PIK3R5: variants seen among roughly 807,000 people sequenced by gnomAD.
The protein encoded by PIK3R5 is phosphoinositide-3-kinase regulatory subunit 5.
PIK3R5 carries 32 observed loss-of-function variants against 94.9 expected under a neutral mutation model. That is an observed-to-expected ratio of 0.34 (90% CI 0.25 to 0.45). The LOEUF (loss-of-function observed/expected upper bound fraction) is 0.45. PIK3R5 is among the 20% of genes least tolerant of loss of function. The pLI, the probability that PIK3R5 is intolerant of heterozygous loss-of-function variation, is 1.00. For missense variants in PIK3R5, 853 were observed against 1,144.6 expected, an observed-to-expected ratio of 0.75 and a Z score of 3.68; for synonymous variants, 443 against 479.4, an observed-to-expected ratio of 0.92 and a Z score of 0.99.
intron 1 of PIK3R5, among the ~76,000 whole-genome samples, chr17:8,913,831 G>T (rs1158430403): frequency 3.3e-5 from 5 of 152,192 alleles, no homozygotes; most frequent in African/African-American, 1.2e-4. Flanking sequence ...TTTTACAGTT[G>T]CCTTTGGATC....
At chr17:8,948,875 A>C (rs2091325239) in intron 1 of PIK3R5, among the ~76,000 whole-genome samples, 1 of 152,168 alleles carries the variant, frequency 6.6e-6, no homozygotes, top group African/African-American at 2.4e-5. Context: ...AATAACTCTC[A>C]AACTAGAAAC....
chr17:8,933,619 A>G (rs887497342), intron 1 of PIK3R5, among the ~76,000 whole-genome samples: 4 of 152,308 alleles, frequency 2.6e-5, no homozygotes, highest in African/African-American at 9.6e-5. Flanking sequence ...GTACAGATCA[A>G]TATCTCTCAT....
rs573373720 is a variant in PIK3R5, at chr17:8,881,329, G to A, written c.2382+301C>T. 2.3e-3 allele frequency among the ~76,000 whole-genome samples: 347 copies of A among 152,146 alleles called. 1 individual carries two copies. Among genetic ancestry groups the A allele is most frequent in the Non-Finnish European group, 3.4e-3 (232 of 67,978 alleles). On this transcript the variant is annotated intron_variant, in intron 17 of 18. Coordinates refer to ENST00000447110, the MANE Select transcript of PIK3R5 (RefSeq NM_001142633.3). This position sits in a 1 kb window ranked among gnomAD's most constrained non-coding sequence, Gnocchi z 4.8. ...GCTTTCTTTGGTCTCAGAGTCTTAG[G>A]ACTCTCCTGGCACCCACCCCACAAC...
At chr17:8,895,044 T>C (rs529519786) in intron 5 of PIK3R5, among the ~76,000 whole-genome samples, 15 of 152,214 alleles carry the variant, frequency 9.9e-5, no homozygotes, top group Non-Finnish European at 2.2e-4. Flanking sequence ...TCATCGCATA[T>C]TTAGAAGTTA....
chr17:8,922,425 G>T (rs138097602), intron 1 of PIK3R5, among the ~76,000 whole-genome samples: 21 of 152,152 alleles, frequency 1.4e-4, no homozygotes, highest in Non-Finnish European at 2.5e-4. Context: ...CTCAGGGAGG[G>T]TAAGCCATTT....
At position 8,886,302 on chromosome 17, in the gene PIK3R5, C is replaced by T; in HGVS notation, c.2055G>A (p.Glu685=). Residue 685 remains glutamate (E), a synonymous_variant, in exon 14 of 19, where the codon GAG becomes GAA. Transcript: ENST00000447110. ...YQTELTFITG[E]KTTEIFIHSL... is the part of the protein sequence containing the mutation. ...AGTGGATGAAGATCTCTGTCGTCTT[C>T]TCCCCAGTGATGAAGGTCAGCTGGA... 3.1e-6 allele frequency: 5 copies of T among 1,613,688 alleles called. No homozygotes were observed. The highest frequency in any genetic ancestry group is 4.2e-6 in the Non-Finnish European group (5 of 1,179,900).
chr17:8,949,215 C>G (rs1240501581), intron 1 of PIK3R5, among the ~76,000 whole-genome samples: 1 of 152,156 alleles, frequency 6.6e-6, no homozygotes, highest in African/African-American at 2.4e-5. Context: ...ATCTGCCAAG[C>G]TAAGTGCTTA....
Position 8,954,122 on chromosome 17 carries a change from T to C in PIK3R5, c.-14+11474A>G, listed in dbSNP as rs138205254. Reference sequence around the variant, plus strand: ...GAAATAACTTTGTCCTTGCTTACTCTGACCCAAGCTCCCCCGGCTTGGGAG... The same window carrying C: ...GAAATAACTTTGTCCTTGCTTACTCCGACCCAAGCTCCCCCGGCTTGGGAG... On this transcript the variant is annotated intron_variant, in intron 1 of 18. Coordinates refer to ENST00000447110, the MANE Select transcript of PIK3R5 (RefSeq NM_001142633.3). 1.6e-3 allele frequency among the ~76,000 whole-genome samples: 250 copies of C among 152,310 alleles called. 1 individual carries two copies. Among genetic ancestry groups the C allele is most frequent in the African/African-American group, 5.6e-3 (233 of 41,570 alleles).
chr17:8,884,611 C>T lies in PIK3R5; in HGVS notation c.2205+96G>A. ...AGCCTTCCAGCGTAAAGACTGGGGC[C>T]CAGGAACACACGAGTCCAGCTCTGG... On this transcript the variant is annotated intron_variant, in intron 15 of 18. Coordinates refer to ENST00000447110, the MANE Select transcript of PIK3R5 (RefSeq NM_001142633.3). The surrounding 1 kb of genome is among the most constrained non-coding windows in gnomAD (Gnocchi z 5.8). The T allele has an allele frequency of 1.1e-6, 1 of 949,360 alleles. No homozygotes were observed. Among genetic ancestry groups the T allele is most frequent in the East Asian group, 2.5e-5 (1 of 39,548 alleles). The allele number at this position is 949,360 out of a possible 1,614,324, so 58.8% of individuals were successfully genotyped here.
chr17:8,881,039 G>A lies in PIK3R5; in HGVS notation c.2383-22C>T. ...TAATCTGGAAGGAAGGCCCAGGTCA[G>A]CCCCAAATCCCTGGCCATCCAACAC... On this transcript the variant is annotated intron_variant, in intron 17 of 18. Coordinates refer to ENST00000447110, the MANE Select transcript of PIK3R5 (RefSeq NM_001142633.3). The surrounding 1 kb of genome is among the most constrained non-coding windows in gnomAD (Gnocchi z 4.8). 6.3e-7 allele frequency: 1 copy of A among 1,581,922 alleles called. No individual in the cohort carries two copies. Among genetic ancestry groups the A allele is most frequent in the South Asian group, 1.1e-5 (1 of 90,410 alleles).
rs1037376198 is a variant in PIK3R5 at position 8,964,071 on chromosome 17, G to T, written c.-14+1525C>A. ...CACGGAGCATCTCCCACGTGCAGCC[G>T]TTCTCATCATACATGCCTCACTTAA... On this transcript the variant is annotated intron_variant, in intron 1 of 18. Coordinates refer to ENST00000447110, the MANE Select transcript of PIK3R5 (RefSeq NM_001142633.3). Among the ~76,000 whole-genome samples, 5 of 152,236 alleles carry T rather than the reference G, an allele frequency of 3.3e-5. No individual in the cohort carries two copies. The East Asian group carries it at 7.7e-4, about 23-fold the overall frequency.
At chr17:8,886,904 C>A (rs2089873079) in intron 12 of PIK3R5, among the ~76,000 whole-genome samples, 192 bp downstream of exon 12, 1 of 152,190 alleles carries the variant, frequency 6.6e-6, no homozygotes. Flanking sequence ...ACTGCAGTGA[C>A]CCCAGCTCTC....
intron 1 of PIK3R5, among the ~76,000 whole-genome samples, chr17:8,926,143 G>A (rs2090879708): frequency 6.6e-6 from 1 of 152,170 alleles, no homozygotes; most frequent in South Asian, 2.1e-4. Flanking sequence ...GAGGGAGTGA[G>A]GAATGCCACT....
At chr17:8,891,590 C>T (rs1052180139) in intron 6 of PIK3R5, among the ~76,000 whole-genome samples, 1 of 151,458 alleles carries the variant, frequency 6.6e-6, no homozygotes, top group African/African-American at 2.4e-5. Flanking sequence ...TATTATGGAA[C>T]CTTTCTCTTT....
rs1219422245 is a variant in PIK3R5 at position 8,909,425 on chromosome 17, G to T, written c.104-251C>A. ...CTGCCTCAGCCTCCCAAGTAGCTGG[G>T]ATTACAGGCACGTGCCACCGCACCC... On this transcript the variant is annotated intron_variant, in intron 2 of 18. Coordinates refer to ENST00000447110, the MANE Select transcript of PIK3R5 (RefSeq NM_001142633.3). This position sits in a 1 kb window ranked among gnomAD's most constrained non-coding sequence, Gnocchi z 4.3. 6.6e-6 allele frequency among the ~76,000 whole-genome samples: 1 copy of T among 152,120 alleles called. No homozygotes were observed. Among genetic ancestry groups the T allele is most frequent in the Admixed American group, 6.5e-5 (1 of 15,268 alleles).
rs1200379110 is a variant in PIK3R5, at chr17:8,945,406, G to C, written c.-14+20190C>G. ...GGAATGAGAAACTGGTCCCAGGGCT[G>C]TATTCCCTCCACCTGGCAGCCCCTT... On this transcript the variant is annotated intron_variant, in intron 1 of 18. Transcript: ENST00000447110. The surrounding 1 kb of genome is among the most constrained non-coding windows in gnomAD (Gnocchi z 4.0). Among the ~76,000 whole-genome samples the C allele has an allele frequency of 1.3e-5, 2 of 152,148 alleles. No homozygotes were observed. Among genetic ancestry groups the C allele is most frequent in the African/African-American group, 4.8e-5 (2 of 41,410 alleles).
rs1203916502 is a variant in PIK3R5 at position 8,896,591 on chromosome 17, C to G, written c.413-2936G>C. Among the ~76,000 whole-genome samples, 6 of 152,186 alleles carry G rather than the reference C, an allele frequency of 3.9e-5. No individual in the cohort carries two copies. Among genetic ancestry groups the G allele is most frequent in the African/African-American group, 9.6e-5 (4 of 41,456 alleles). On this transcript the variant is annotated intron_variant, in intron 5 of 18. Transcript: ENST00000447110. The surrounding 1 kb of genome is among the most constrained non-coding windows in gnomAD (Gnocchi z 4.0). ...AAGTTCAAACTCCTGGCCCAGGTGT[C>G]CAAGGCCCTTCGCCATTAAGCCTTG...
chr17:8,887,773 ACC>A, intron 10 of PIK3R5, 90 bp from the exon 11 acceptor site: 1 of 1,258,168 alleles, frequency 7.9e-7, no homozygotes, highest in Non-Finnish European at 1.1e-6. Context: ...TGGGTGGATC[ACC>A]CGAGGCCAGG....
chr17:8,944,833 A>G (rs2091246656), intron 1 of PIK3R5, among the ~76,000 whole-genome samples: 1 of 152,104 alleles, frequency 6.6e-6, no homozygotes, highest in South Asian at 2.1e-4. Flanking sequence ...TGATAGTGGC[A>G]CACAGGTAAC....
Sources: gnomAD v4.1 joint callset for allele counts (sites outside exome capture counted in the v4.1 genomes callset) on GRCh38, gnomAD v4.1.1 for gene constraint, Gnocchi (gnomAD v3.1) non-coding constraint, MANE v1.5 for transcripts, NCBI Gene and HGNC (gene_info 2026-07-23, HGNC 2026-07-21) for gene names.